Variants in FUS observed in about 807,000 individuals in gnomAD.
The protein encoded by FUS is FUS RNA binding protein, also known as RNA-binding protein FUS.
FUS carries 5 observed loss-of-function variants against 82.7 expected under a neutral mutation model. That is an observed-to-expected ratio of 0.06 (90% CI 0.03 to 0.13). The LOEUF (loss-of-function observed/expected upper bound fraction) is 0.13, where lower values mean the gene tolerates loss of function less well. FUS is among the 10% of genes least tolerant of loss of function. The pLI is 1.00. For synonymous variants in FUS, 281 were observed against 247.4 expected (o/e 1.14, Z -1.27); for missense variants, 512 against 707.8 (o/e 0.72, Z 3.14).
chr16:31,185,673 T>C lies in FUS; in HGVS notation c.764+494T>C. 6 of 454,212 alleles carry C rather than the reference T, an allele frequency of 1.3e-5. 2 individuals are homozygous for C. The highest frequency in any genetic ancestry group is 1.0e-4 in the South Asian group (6 of 59,862). The allele number at this position is 454,212 out of a possible 1,614,324, so 28.1% of individuals were successfully genotyped here. A position where few individuals can be genotyped will look rare whatever the true frequency, so the allele number is the denominator to read the frequency against. On this transcript the variant is annotated intron_variant, in intron 6 of 14. Coordinates refer to ENST00000254108, the MANE Select transcript of FUS (RefSeq NM_004960.4). Reference sequence around the variant, plus strand: ...GTCATTTGAATCCACGAGCTTGATTTGCACTAATTTGACCGACATTGATTT... The same window carrying C: ...GTCATTTGAATCCACGAGCTTGATTCGCACTAATTTGACCGACATTGATTT...
At chr16:31,192,319 A>C (rs1203051359), downstream of FUS, 1 of 527,166 alleles carries the variant, frequency 1.9e-6, no homozygotes, top group Admixed American at 2.2e-5. Flanking sequence ...GCAGCCAATG[A>C]GTTAAAACCT....
chr16:31,182,875 C>T (rs760582797), intron 3 of FUS: 1 of 578,870 alleles, frequency 1.7e-6, no homozygotes, highest in South Asian at 1.9e-5. Context: ...TGCTACCACG[C>T]CTGGCTAATT....
At chr16:31,187,444 G>A (rs2079287529) in intron 7 of FUS, 1 of 232,730 alleles carries the variant, frequency 4.3e-6, no homozygotes, top group Non-Finnish European at 8.5e-6. Flanking sequence ...TGGCTCATGG[G>A]AAATAACCAG....
chr16:31,194,252 C>T (rs1396890081), downstream of FUS: 14 of 530,570 alleles, frequency 2.6e-5, no homozygotes, highest in South Asian at 2.2e-4. Context: ...ACTCACTGAT[C>T]TACCTTTAGG....
intron 3 of FUS, 43 bp from the exon 4 acceptor site, chr16:31,183,815 T>A (rs2079217009): frequency 2.5e-6 from 4 of 1,613,670 alleles, no homozygotes; most frequent in Non-Finnish European, 3.4e-6. Flanking sequence ...ACATTTTCTC[T>A]TTCCTGGTGG....
Position 31,180,188 on chromosome 16 carries a change from T to A in FUS, c.-27T>A. On this transcript the variant is annotated 5_prime_UTR_variant, in exon 1 of 15. Coordinates refer to ENST00000254108, the MANE Select transcript of FUS (RefSeq NM_004960.4). ...TCAGCGGTGTTGGAACTTCGTTGCT[T>A]GCTTGCCTGTGCGCGCGTGCGCGGA... The A allele has an allele frequency of 6.2e-7, 1 of 1,609,750 alleles. No homozygotes were observed. The highest frequency in any genetic ancestry group is 1.1e-5 in the South Asian group (1 of 90,316).
chr16:31,188,145 C>A, intron 7 of FUS, 180 bp from the exon 8 acceptor site: 1 of 640,358 alleles, frequency 1.6e-6, no homozygotes, highest in South Asian at 2.0e-5. Flanking sequence ...CTAGAATTTT[C>A]TCCTCTGGGC....
intron 8 of FUS, 43 bp from the exon 9 acceptor site, chr16:31,189,080 A>C (rs77308300): frequency 6.8e-7 from 1 of 1,476,506 alleles, no homozygotes; most frequent in Non-Finnish European, 9.5e-7. Flanking sequence ...TGTGTTTTTT[A>C]TTTTACCTTT....
downstream of FUS, chr16:31,192,088 C>T (rs756909048): frequency 3.0e-5 from 16 of 532,300 alleles, no homozygotes; most frequent in Non-Finnish European, 5.1e-5. Flanking sequence ...GAGTCAGGAT[C>T]TAGGAGGTGA....
At chr16:31,189,898 C>A (rs1334629507) in intron 10 of FUS, 104 bp downstream of exon 10, 11 of 1,598,296 alleles carry the variant, frequency 6.9e-6, no homozygotes, top group African/African-American at 2.7e-5. Flanking sequence ...CCAACACTTA[C>A]TTTAGCTGCG....
Position 31,180,208 on chromosome 16 carries a change from C to G in FUS, c.-7C>G. On this transcript the variant is annotated 5_prime_UTR_variant, in exon 1 of 15. Coordinates refer to ENST00000254108, the MANE Select transcript of FUS (RefSeq NM_004960.4). Reference sequence around the variant, plus strand: ...TTGCTTGCTTGCCTGTGCGCGCGTGCGCGGACATGGCCTCAAACGGTAGGT... The same window carrying G: ...TTGCTTGCTTGCCTGTGCGCGCGTGGGCGGACATGGCCTCAAACGGTAGGT... The G allele has an allele frequency of 6.2e-7, 1 of 1,611,060 alleles. No individual in the cohort carries two copies. Among genetic ancestry groups the G allele is most frequent in the Admixed American group, 1.7e-5 (1 of 59,598 alleles).
intron 4 of FUS, 82 bp from the exon 5 acceptor site, chr16:31,184,127 A>G (rs2079223006): frequency 1.2e-6 from 2 of 1,613,580 alleles, no homozygotes; most frequent in Non-Finnish European, 1.7e-6. Flanking sequence ...TGTTGGGTAC[A>G]GAGAATGGAC....
chr16:31,190,492 A>G, intron 12 of FUS, 94 bp downstream of exon 12: 6 of 1,571,984 alleles, frequency 3.8e-6, no homozygotes, highest in South Asian at 1.1e-5. Context: ...AAAGAAGTAA[A>G]TGTCAAGGCC....
chr16:31,193,899 A>G (rs1488243383), downstream of FUS: 1 of 528,358 alleles, frequency 1.9e-6, no homozygotes, highest in East Asian at 4.0e-5. Context: ...TGCCTGCCTC[A>G]GCCTCCCAAA....
intron 4 of FUS, 78 bp downstream of exon 4, chr16:31,184,080 G>A: frequency 1.2e-6 from 2 of 1,612,260 alleles, no homozygotes; most frequent in South Asian, 2.2e-5. Flanking sequence ...CCAGCAGTAG[G>A]AGCAGTTCAG....
At position 31,187,585 on chromosome 16, in the gene FUS, G is replaced by T. The variant is rs2079289015; in HGVS notation, c.800-740G>T. The T allele has an allele frequency of 1.7e-5, 4 of 230,416 alleles. 1 individual carries two copies. In the South Asian group the frequency reaches 7.2e-4, roughly 42 times the overall value. 14.3% of individuals were successfully genotyped at this position (230,416 alleles called of 1,614,324 possible). A position where few individuals can be genotyped will look rare whatever the true frequency, so the allele number is the denominator to read the frequency against. ...ACTTTTCTGGTTTGGTTAACAAAAG[G>T]TTTCTTGATTTGTTTCAAGATTTAA... is the stretch of plus-strand genomic sequence containing the variant. On this transcript the variant is annotated intron_variant, in intron 7 of 14. Transcript: ENST00000254108.
chr16:31,184,856 C>T, intron 5 of FUS, 83 bp from the exon 6 acceptor site: 2 of 1,421,656 alleles, frequency 1.4e-6, no homozygotes, highest in African/African-American at 1.4e-5. Context: ...TTGCCTGGCA[C>T]TTGTCAAACC....
intron 3 of FUS, 158 bp from the exon 4 acceptor site, chr16:31,183,700 G>A: frequency 1.2e-6 from 1 of 868,012 alleles, no homozygotes. Flanking sequence ...TTTAGGCTTT[G>A]AAAGGAGGGT....
In FUS at chr16:31,180,247, G is replaced by A; in HGVS notation, c.13+20G>A. 6.2e-7 allele frequency: 1 copy of A among 1,606,372 alleles called. No individual in the cohort carries two copies. Among genetic ancestry groups the A allele is most frequent in the South Asian group, 1.1e-5 (1 of 90,030 alleles). On this transcript the variant is annotated intron_variant, in intron 1 of 14. Transcript: ENST00000254108. ...CAAACGGTAGGTAAGGGCGCGAGGC[G>A]ACGGCGGCGGCGCACCCGGCCGAGG...
Sources: gnomAD v4.1 joint callset for allele counts on GRCh38, gnomAD v4.1.1 for gene constraint, MANE v1.5 for transcripts, NCBI Gene and HGNC (gene_info 2026-07-23, HGNC 2026-07-21) for gene names.